Variants in STEAP3 observed in about 807,000 individuals in gnomAD.
STEAP3 encodes STEAP3 metalloreductase, also known as metalloreductase STEAP3.
A neutral mutation model predicts 34.9 loss-of-function variants in STEAP3; 35 were observed. The observed-to-expected ratio is 1.00, with a 90% confidence interval of 0.76 to 1.33. The LOEUF is 1.33. STEAP3 is among the 40% of genes most tolerant of loss of function. STEAP3 has a pLI of 0.00. For missense variants in STEAP3, 652 were observed against 667.6 expected (o/e 0.98, Z 0.26); for synonymous variants, 281 against 301.6 (o/e 0.93, Z 0.71).
At chr2:119,243,804 C>T (rs867691840) in intron 2 of STEAP3, among the ~76,000 whole-genome samples, 2 of 152,200 alleles carry the variant, frequency 1.3e-5, no homozygotes, top group African/African-American at 2.4e-5. Flanking sequence ...ATAGCAGAGC[C>T]GGGCCCAGCC....
At chr2:119,251,795 G>C (rs1452308934) in intron 4 of STEAP3, among the ~76,000 whole-genome samples, 1 of 152,076 alleles carries the variant, frequency 6.6e-6, no homozygotes, top group Non-Finnish European at 1.5e-5. Flanking sequence ...TCTCGGCTTG[G>C]AACGCCCACC....
intron 2 of STEAP3, among the ~76,000 whole-genome samples, chr2:119,232,320 G>A (rs1365774981): frequency 6.6e-6 from 1 of 152,154 alleles, no homozygotes; most frequent in Non-Finnish European, 1.5e-5. Context: ...AACCTGACTG[G>A]GCCTCAGTTT....
rs1405452411 is a variant in STEAP3 at position 119,263,446 on chromosome 2, G to A, written c.*108G>A. Reference sequence around the variant, plus strand: ...AAGTGGTATAACTGTGTGCAAATAGGAGGTTTGAGGTCCAAATTCCTGGGA... The same window carrying A: ...AAGTGGTATAACTGTGTGCAAATAGAAGGTTTGAGGTCCAAATTCCTGGGA... On this transcript the variant is annotated 3_prime_UTR_variant, in exon 6 of 6. Coordinates refer to ENST00000393110, the MANE Select transcript of STEAP3 (RefSeq NM_182915.3). 6.1e-6 allele frequency: 9 copies of A among 1,472,290 alleles called. No individual in the cohort carries two copies. The South Asian group carries it at 7.3e-5, about 12-fold the overall frequency. The allele number at this position is 1,472,290 out of a possible 1,614,324, so 91.2% of individuals were successfully genotyped here. A position where few individuals can be genotyped will look rare whatever the true frequency, so the allele number is the denominator to read the frequency against.
chr2:119,247,759 C>T lies in STEAP3; in HGVS notation c.603C>T (p.Asp201=), dbSNP rs2104824358. 2.5e-6 allele frequency: 4 copies of T among 1,604,664 alleles called. No homozygotes were observed. Among genetic ancestry groups the T allele is most frequent in the Non-Finnish European group, 3.4e-6 (4 of 1,177,226 alleles). ...MALAMGFMPV[D]MGSLASAWEV... is the part of the protein sequence containing the mutation. ...TCGCCATGGGCTTCATGCCCGTGGA[C>T]ATGGGATCCCTGGCGTCAGCCTGGG... Residue 201 remains aspartate (D), a synonymous_variant, in exon 4 of 6, where the codon GAC becomes GAT. Coordinates refer to ENST00000393110, the MANE Select transcript of STEAP3 (RefSeq NM_182915.3).
intron 5 of STEAP3, among the ~76,000 whole-genome samples, chr2:119,256,251 AGT>A (rs1223896938): frequency 6.6e-6 from 1 of 152,212 alleles, no homozygotes; most frequent in Non-Finnish European, 1.5e-5. Flanking sequence ...TGTTTTTTAA[AGT>A]GTGTCTGCCT....
chr2:119,247,005 A>G (rs1220471273), intron 3 of STEAP3: 1 of 152,262 alleles, frequency 6.6e-6, no homozygotes, highest in African/African-American at 2.4e-5. Flanking sequence ...TGTAAAGCTC[A>G]GCATAGAGTA....
intron 2 of STEAP3, among the ~76,000 whole-genome samples, chr2:119,238,471 A>G (rs2104805270): frequency 6.6e-6 from 1 of 152,080 alleles, no homozygotes; most frequent in Admixed American, 6.5e-5. Flanking sequence ...TGCCCACTTT[A>G]TGTAGGTTGT....
At position 119,225,637 on chromosome 2, in the gene STEAP3, G is replaced by A. The variant is rs1679014246; in HGVS notation, c.-394+1749G>A. ...ATCAGAGACCAAGGTGCTGGGCAGG[G>A]CTTCAGGTGGTTAAAAAGTGAAAGT... On this transcript the variant is annotated intron_variant, in intron 1 of 5. Coordinates refer to ENST00000393110, the MANE Select transcript of STEAP3 (RefSeq NM_182915.3). Among the ~76,000 whole-genome samples, 4 of 152,244 alleles carry A rather than the reference G, an allele frequency of 2.6e-5. No homozygotes were observed. In the South Asian group the frequency reaches 8.3e-4, roughly 31 times the overall value.
chr2:119,235,062 C>G (rs1677054672), intron 2 of STEAP3, among the ~76,000 whole-genome samples: 1 of 152,210 alleles, frequency 6.6e-6, no homozygotes, highest in East Asian at 1.9e-4. Context: ...GGAATATCCT[C>G]CCAGTCAGGG....
intron 4 of STEAP3, among the ~76,000 whole-genome samples, chr2:119,249,534 C>T (rs536076959): frequency 1.2e-4 from 19 of 152,182 alleles, no homozygotes; most frequent in Admixed American, 2.6e-4. Context: ...TCATCCACCC[C>T]TCATTCCAGC....
Position 119,247,928 on chromosome 2 carries a change from T to C in STEAP3, c.772T>C (p.Phe258Leu). The change falls in exon 4 of 6, where the codon TTC (phenylalanine) becomes CTC (leucine). Residue 258 changes from phenylalanine to leucine, a missense_variant. Coordinates refer to ENST00000393110, the MANE Select transcript of STEAP3 (RefSeq NM_182915.3). Reference sequence around the variant, plus strand: ...TGTGCAGGAAAGCCAGAACAAGTTCTTCAAGCTGCCCGTGTCCGTGGTCAA... The same window carrying C: ...TGTGCAGGAAAGCCAGAACAAGTTCCTCAAGCTGCCCGTGTCCGTGGTCAA... Reference protein sequence around the residue: ...PYVQESQNKFFKLPVSVVNTT... With the variant: ...PYVQESQNKFLKLPVSVVNTT... 3 of 1,613,820 alleles carry C rather than the reference T, an allele frequency of 1.9e-6. No individual in the cohort carries two copies. Among genetic ancestry groups the C allele is most frequent in the Non-Finnish European group, 2.5e-6 (3 of 1,179,994 alleles).
At position 119,254,717 on chromosome 2, in the gene STEAP3, G is replaced by A. The variant is rs777166218; in HGVS notation, c.1084G>A (p.Glu362Lys). ...CAACAAGAGCCACCTCTGGGTGGAG[G>A]AGGAGGTCTGGCGGATGGAGATCTA... ...LANKSHLWVE[E>K]EVWRMEIYLS... The change falls in exon 5 of 6, where the codon GAG (glutamate) becomes AAG (lysine). Residue 362 changes from glutamate to lysine, a missense_variant. Physicochemically the swap from Glu to Lys is moderately conservative, Grantham distance 56. Transcript: ENST00000393110. 3.1e-6 allele frequency: 5 copies of A among 1,614,004 alleles called. 1 individual carries two copies. The South Asian group carries it at 3.3e-5, about 11-fold the overall frequency.
At chr2:119,235,230 T>G (rs1305907725) in intron 2 of STEAP3, among the ~76,000 whole-genome samples, 1 of 152,174 alleles carries the variant, frequency 6.6e-6, no homozygotes, top group Non-Finnish European at 1.5e-5. Context: ...TGACTCTGAT[T>G]GCCTTCTTCT....
At chr2:119,238,627 C>T (rs1389582554) in intron 2 of STEAP3, among the ~76,000 whole-genome samples, 3 of 152,120 alleles carry the variant, frequency 2.0e-5, no homozygotes, top group African/African-American at 4.8e-5. Context: ...TCGTCAGCAG[C>T]GAATTAGCAG....
rs1214943028 is a variant in STEAP3, at chr2:119,263,552, G to T, written c.*214G>T. ...TTACATATATTCCACATATATAACAGGATTTGCAATTATACATAGCTAGCT... is the reference window on the plus strand; with the variant it reads ...TTACATATATTCCACATATATAACATGATTTGCAATTATACATAGCTAGCT... On this transcript the variant is annotated 3_prime_UTR_variant, in exon 6 of 6. Coordinates refer to ENST00000393110, the MANE Select transcript of STEAP3 (RefSeq NM_182915.3). 2 of 688,116 alleles carry T rather than the reference G, an allele frequency of 2.9e-6. No homozygotes were observed. Among genetic ancestry groups the T allele is most frequent in the East Asian group, 5.5e-5 (2 of 36,098 alleles). 42.6% of individuals were successfully genotyped at this position (688,116 alleles called of 1,614,324 possible). A position where few individuals can be genotyped will look rare whatever the true frequency, so the allele number is the denominator to read the frequency against.
chr2:119,252,217 C>G lies in STEAP3; in HGVS notation c.1051-2467C>G, dbSNP rs573228169. 3.9e-5 allele frequency among the ~76,000 whole-genome samples: 6 copies of G among 152,358 alleles called. No individual in the cohort carries two copies. The South Asian group carries it at 1.2e-3, about 32-fold the overall frequency. On this transcript the variant is annotated intron_variant, in intron 4 of 5. Transcript: ENST00000393110. The stretch of plus-strand genomic sequence containing the variant: ...TGCCTGTTCCATGCTACTCATTCCA[C>G]AAACGTAATGCTTTTAGTCCTGCAG...
At chr2:119,251,801 C>T (rs1052721730) in intron 4 of STEAP3, among the ~76,000 whole-genome samples, 1 of 152,184 alleles carries the variant, frequency 6.6e-6, no homozygotes, top group African/African-American at 2.4e-5. Flanking sequence ...CTTGGAACGC[C>T]CACCCCAGGA....
chr2:119,242,979 GC>G (rs761675116), intron 2 of STEAP3, among the ~76,000 whole-genome samples: 4 of 152,174 alleles, frequency 2.6e-5, no homozygotes, highest in African/African-American at 7.2e-5. Context: ...CCCAGGAAAC[GC>G]TCCCAGAACC....
intron 1 of STEAP3, among the ~76,000 whole-genome samples, chr2:119,225,292 C>T (rs1031178153): frequency 6.6e-6 from 1 of 152,054 alleles, no homozygotes; most frequent in Non-Finnish European, 1.5e-5. Flanking sequence ...GGTAAGTGGG[C>T]GGGGTGGGGT....
Sources: allele counts gnomAD v4.1 joint callset (sites outside exome capture counted in the v4.1 genomes callset), GRCh38; gene constraint gnomAD v4.1.1; transcripts MANE v1.5; gene names NCBI Gene and HGNC (gene_info 2026-07-23, HGNC 2026-07-21).